Variants in ELMO1 observed in about 807,000 individuals in gnomAD.
ELMO1 encodes the protein engulfment and cell motility protein 1.
ELMO1 carries 26 observed loss-of-function variants against 98.9 expected under a neutral mutation model. The observed-to-expected ratio is 0.26, with a 90% confidence interval of 0.19 to 0.36. ELMO1 has a LOEUF of 0.36. Among genes scored for constraint, ELMO1 ranks in the 10% least tolerant of loss-of-function variants. The probability of loss-of-function intolerance (pLI) is 1.00; values close to 1 mark genes in which losing one functional copy is unlikely to be tolerated. For synonymous variants in ELMO1, 346 were observed against 346.0 expected, an observed-to-expected ratio of 1.00 and a Z score of 0.00; for missense variants, 627 against 935.2, an observed-to-expected ratio of 0.67 and a Z score of 4.30.
intron 13 of ELMO1, among the ~76,000 whole-genome samples, chr7:37,188,675 G>C (rs1270159839): frequency 6.6e-6 from 1 of 151,964 alleles, no homozygotes; most frequent in East Asian, 1.9e-4. Flanking sequence ...CTAGGCGTTA[G>C]AAACAGCCAC....
chr7:37,294,798 G>A (rs189156725), intron 4 of ELMO1, among the ~76,000 whole-genome samples: 2,275 of 152,198 alleles, frequency 0.015, 45 homozygotes, highest in Middle Eastern at 0.031. Context: ...TCAGAAGTTC[G>A]AGACCAGCCT....
chr7:36,928,170 A>G (rs1785730736), intron 16 of ELMO1, among the ~76,000 whole-genome samples: 1 of 152,250 alleles, frequency 6.6e-6, no homozygotes. Context: ...GTGAGGCTTC[A>G]GGATTAACGC....
intron 16 of ELMO1, among the ~76,000 whole-genome samples, chr7:36,931,195 A>G (rs1180122173): frequency 1.3e-5 from 2 of 152,252 alleles, no homozygotes; most frequent in African/African-American, 2.4e-5. Flanking sequence ...GATTTATCCC[A>G]GAGAGTCAAT....
intron 15 of ELMO1, among the ~76,000 whole-genome samples, chr7:37,059,300 G>C (rs1414583282): frequency 6.6e-6 from 1 of 152,196 alleles, no homozygotes; most frequent in East Asian, 1.9e-4. Context: ...CTTGTCAAGA[G>C]TGGAAGATTA....
At chr7:37,378,672 C>G (rs1235120029) in intron 1 of ELMO1, among the ~76,000 whole-genome samples, 1 of 152,154 alleles carries the variant, frequency 6.6e-6, no homozygotes, top group East Asian at 1.9e-4. Context: ...CTCTGTGCCC[C>G]AAGATCTACT....
intron 15 of ELMO1, among the ~76,000 whole-genome samples, chr7:37,057,446 G>A (rs751838393): frequency 1.3e-5 from 2 of 152,196 alleles, no homozygotes; most frequent in Non-Finnish European, 2.9e-5. Context: ...ATGGGAAAAT[G>A]ATTTTGAAGT....
intron 13 of ELMO1, among the ~76,000 whole-genome samples, chr7:37,170,300 T>C (rs1424454034): frequency 6.6e-6 from 1 of 152,252 alleles, no homozygotes; most frequent in Non-Finnish European, 1.5e-5. Flanking sequence ...TGGACAGCAG[T>C]CGCAAAGCAA....
intron 1 of ELMO1, among the ~76,000 whole-genome samples, chr7:37,394,980 C>T (rs894240837): frequency 6.6e-6 from 1 of 152,094 alleles, no homozygotes; most frequent in Non-Finnish European, 1.5e-5. Context: ...CATTTTAGTT[C>T]CCAGTGTTAC....
At chr7:37,221,787 G>T (rs183924669) in intron 10 of ELMO1, among the ~76,000 whole-genome samples, 1 of 151,684 alleles carries the variant, frequency 6.6e-6, no homozygotes, top group East Asian at 1.9e-4. Context: ...TCTGCCTCCC[G>T]GCTTGGTTCA....
chr7:36,883,743 G>A (rs764028150), intron 18 of ELMO1, among the ~76,000 whole-genome samples: 13 of 152,132 alleles, frequency 8.5e-5, no homozygotes, highest in Non-Finnish European at 1.3e-4. Flanking sequence ...CTACAGAACC[G>A]TGAACCAATT....
chr7:37,263,316 T>G (rs1009744066), intron 5 of ELMO1, among the ~76,000 whole-genome samples: 1 of 151,706 alleles, frequency 6.6e-6, no homozygotes, highest in East Asian at 1.9e-4. Context: ...AGTTATCCAG[T>G]GGAAAGGAAT....
chr7:36,904,851 T>C (rs928398164), intron 16 of ELMO1, among the ~76,000 whole-genome samples: 6 of 152,156 alleles, frequency 3.9e-5, no homozygotes, highest in African/African-American at 1.2e-4. Context: ...CAAACAGCCA[T>C]GTGACAAAGC....
At chr7:37,281,339 C>T (rs1025554217) in intron 4 of ELMO1, among the ~76,000 whole-genome samples, 1 of 152,082 alleles carries the variant, frequency 6.6e-6, no homozygotes, top group Admixed American at 6.6e-5. Context: ...AAAGAACTTA[C>T]TCATGTAACC....
chr7:37,325,347 T>C (rs1039480820), intron 2 of ELMO1, among the ~76,000 whole-genome samples: 20 of 152,246 alleles, frequency 1.3e-4, no homozygotes, highest in Non-Finnish European at 2.9e-5. Context: ...TGGAAAGGCA[T>C]GCAGTTAATG....
At position 36,854,425 on chromosome 7, in the gene ELMO1, G is replaced by A. The variant is rs1802046072; in HGVS notation, c.*1126C>T. On this transcript the variant is annotated 3_prime_UTR_variant, in exon 22 of 22. Coordinates refer to ENST00000310758, the MANE Select transcript of ELMO1 (RefSeq NM_014800.11). ...ATGTTATTTTCAGGAAGATGTTTGG[G>A]ATTAAAATAATTAAAAAAAAACTGG... The A allele has an allele frequency of 6.7e-6, 1 of 150,180 alleles. No individual in the cohort carries two copies. Among genetic ancestry groups the A allele is most frequent in the Non-Finnish European group, 1.5e-5 (1 of 67,644 alleles). 9.3% of individuals were successfully genotyped at this position (150,180 alleles called of 1,614,324 possible).
rs1800083699 is a variant in ELMO1, at chr7:37,331,178, T to TC, written c.78+11434_78+11435insG. On this transcript the variant is annotated intron_variant, in intron 2 of 21. Coordinates refer to ENST00000310758, the MANE Select transcript of ELMO1 (RefSeq NM_014800.11). ...AGGGAAAAACTACTGCATTTTTCTT[T>TC]TTTTTTTTGGAGACACAGTCTCGCT... 1.3e-5 allele frequency among the ~76,000 whole-genome samples: 2 copies of TC among 151,154 alleles called. 1 individual carries two copies. Among genetic ancestry groups the TC allele is most frequent in the Non-Finnish European group, 3.0e-5 (2 of 67,684 alleles).
rs146591077 is a variant in ELMO1 at position 37,295,772 on chromosome 7, A to G, written c.192+19078T>C. On this transcript the variant is annotated intron_variant, in intron 4 of 21. Transcript: ENST00000310758. ...AGAAAGAAGTATTGTATCAACATTA[A>G]TATGTTTTTTGAGCTTAGGTTTGTC... is the stretch of plus-strand genomic sequence containing the variant. Among the ~76,000 whole-genome samples, 261 of 152,340 alleles carry G rather than the reference A, an allele frequency of 1.7e-3. 2 individuals carry two copies. Among genetic ancestry groups the G allele is most frequent in the African/African-American group, 6.0e-3 (250 of 41,578 alleles).
intron 13 of ELMO1, among the ~76,000 whole-genome samples, chr7:37,204,515 G>T (rs1024299109): frequency 1.3e-5 from 2 of 152,214 alleles, no homozygotes; most frequent in Admixed American, 1.3e-4. Context: ...GACCCAAAGA[G>T]TGAGCAGCAG....
intron 13 of ELMO1, among the ~76,000 whole-genome samples, chr7:37,209,258 G>C (rs1792823751): frequency 6.6e-6 from 1 of 152,118 alleles, no homozygotes; most frequent in African/African-American, 2.4e-5. Flanking sequence ...CTCTCACAGG[G>C]ACCCAGATTC....
Sources: allele counts gnomAD v4.1 joint callset (sites outside exome capture counted in the v4.1 genomes callset), GRCh38; gene constraint gnomAD v4.1.1; transcripts MANE v1.5; gene names NCBI Gene and HGNC (gene_info 2026-07-23, HGNC 2026-07-21).